The following TIAM2 variants were observed in gnomAD, a reference collection of about 807,000 sequenced individuals.
The protein encoded by TIAM2 is rho guanine nucleotide exchange factor TIAM2.
A neutral mutation model predicts 152.9 loss-of-function variants in TIAM2; 80 were observed. The observed-to-expected ratio is 0.52, with a 90% confidence interval of 0.44 to 0.63. The LOEUF is 0.63. Ranked by LOEUF, TIAM2 falls within the 30% of genes least tolerant of loss-of-function variation. TIAM2 has a pLI of 0.00. For missense variants in TIAM2, 1,965 were observed against 2,120.1 expected (o/e 0.93, Z 1.44); for synonymous variants, 804 against 838.0 (o/e 0.96, Z 0.70).
intron 1 of TIAM2, among the ~76,000 whole-genome samples, chr6:155,029,044 CTA>C (rs1252608140): frequency 8.4e-6 from 1 of 119,202 alleles, no homozygotes; most frequent in Non-Finnish European, 1.6e-5. Flanking sequence ...ACTATATATA[CTA>C]TGTTATATAT....
intron 14 of TIAM2, among the ~76,000 whole-genome samples, chr6:155,207,518 G>A (rs532306940): frequency 3.7e-4 from 56 of 152,208 alleles, no homozygotes; most frequent in Admixed American, 1.3e-4. Flanking sequence ...GAGATTTCCT[G>A]TCTTGGCGGA....
At chr6:155,139,165 C>T (rs1045076281) in intron 5 of TIAM2, among the ~76,000 whole-genome samples, 3 of 152,196 alleles carry the variant, frequency 2.0e-5, no homozygotes, top group Admixed American at 6.5e-5. Flanking sequence ...GTGCAATGTC[C>T]AGTGCCCTCT....
chr6:155,145,562 G>C (rs896536806), intron 6 of TIAM2, among the ~76,000 whole-genome samples: 3 of 152,180 alleles, frequency 2.0e-5, no homozygotes, highest in Non-Finnish European at 4.4e-5. Flanking sequence ...TTCAGAACAG[G>C]TGAGAGTGAG....
intron 14 of TIAM2, among the ~76,000 whole-genome samples, chr6:155,188,723 TC>T (rs763026198): frequency 6.6e-6 from 1 of 152,212 alleles, no homozygotes; most frequent in Non-Finnish European, 1.5e-5. Context: ...TTTGAAACAT[TC>T]CAGCAGCTTT....
chr6:155,221,946 A>C (rs1360239406), intron 15 of TIAM2, among the ~76,000 whole-genome samples: 4 of 123,438 alleles, frequency 3.2e-5, no homozygotes, highest in Non-Finnish European at 5.3e-5. Context: ...TCTTCTTCTT[A>C]TTTATTTATT....
At chr6:155,083,354 A>G (rs1778111206) in intron 1 of TIAM2, among the ~76,000 whole-genome samples, 1 of 149,816 alleles carries the variant, frequency 6.7e-6, no homozygotes, top group African/African-American at 2.4e-5. Context: ...ATCTCAAAAA[A>G]AAAAAAAAAA....
chr6:155,095,393 C>T (rs548775049), intron 2 of TIAM2, among the ~76,000 whole-genome samples: 1 of 152,180 alleles, frequency 6.6e-6, no homozygotes, highest in South Asian at 2.1e-4. Context: ...AGGGAAGATC[C>T]GTGGTAATTA....
At position 155,104,049 on chromosome 6, in the gene TIAM2, C is replaced by CA. The variant is rs1562316930; in HGVS notation, c.-118+13670_-118+13671insA. On this transcript the variant is annotated intron_variant, in intron 2 of 26. Transcript: ENST00000682666. ...TACCTCACACACACACACCCCCCCC[C>CA]CCACACCCCCACACACCCCCACACA... Among the ~76,000 whole-genome samples the CA allele has an allele frequency of 8.1e-4, 77 of 94,730 alleles. 9 individuals carry two copies. Among genetic ancestry groups the CA allele is most frequent in the African/African-American group, 3.4e-3 (77 of 22,678 alleles). 62.1% of individuals were successfully genotyped at this position (94,730 alleles called of 152,430 possible).
intron 16 of TIAM2, 79 bp downstream of exon 16, chr6:155,240,788 A>T: frequency 1.4e-6 from 2 of 1,436,242 alleles, no homozygotes; most frequent in South Asian, 1.4e-5. Flanking sequence ...TCCCCAGATC[A>T]CCTCTGCCCA....
At chr6:155,079,165 G>A (rs1778012655) in intron 1 of TIAM2, among the ~76,000 whole-genome samples, 2 of 151,938 alleles carry the variant, frequency 1.3e-5, no homozygotes, top group African/African-American at 4.8e-5. Flanking sequence ...GGGTTCAAGC[G>A]ATTCTCCCAC....
At chr6:155,004,202 T>C (rs1001702586) in intron 1 of TIAM2, among the ~76,000 whole-genome samples, 8 of 152,204 alleles carry the variant, frequency 5.3e-5, no homozygotes, top group African/African-American at 1.4e-4. Flanking sequence ...GCACCAGTCC[T>C]GCTGTAGGCT....
At chr6:155,021,763 G>T (rs966025174) in intron 1 of TIAM2, among the ~76,000 whole-genome samples, 2 of 152,142 alleles carry the variant, frequency 1.3e-5, no homozygotes, top group African/African-American at 2.4e-5. Flanking sequence ...TGACTTGACG[G>T]CCTAGCTTGT....
intron 1 of TIAM2, among the ~76,000 whole-genome samples, chr6:155,011,823 A>T (rs1778493964): frequency 6.6e-6 from 1 of 152,222 alleles, no homozygotes; most frequent in Non-Finnish European, 1.5e-5. Flanking sequence ...TTCAGGAATT[A>T]TTCTTGTAAA....
chr6:155,001,618 T>G (rs902192966), intron 1 of TIAM2, among the ~76,000 whole-genome samples: 1 of 152,242 alleles, frequency 6.6e-6, no homozygotes, highest in African/African-American at 2.4e-5. Context: ...CTCCAGGCAT[T>G]CCATCGAGCT....
intron 14 of TIAM2, among the ~76,000 whole-genome samples, chr6:155,210,354 T>C (rs1005506747): frequency 2.6e-5 from 4 of 152,008 alleles, no homozygotes; most frequent in Admixed American, 1.3e-4. Flanking sequence ...GGTCTCATTC[T>C]GTCATCCAGG....
At chr6:155,042,211 C>G (rs538088547) in intron 1 of TIAM2, among the ~76,000 whole-genome samples, 1 of 152,012 alleles carries the variant, frequency 6.6e-6, no homozygotes, top group African/African-American at 2.4e-5. Flanking sequence ...CCCGCCCCCG[C>G]CCCCAGGAAC....
chr6:155,182,122 C>T, intron 12 of TIAM2, 104 bp from the exon 13 acceptor site: 2 of 909,160 alleles, frequency 2.2e-6, no homozygotes, highest in Admixed American at 4.0e-5. Flanking sequence ...TCTCAACATA[C>T]TGTACTTATG....
At position 155,144,672 on chromosome 6, in the gene TIAM2, G is replaced by A; in HGVS notation, c.1697G>A (p.Cys566Tyr). Reference protein sequence around the residue: ...NSMDQSSAPRCALFAEDSIVQ... With the variant: ...NSMDQSSAPRYALFAEDSIVQ... ...ATGGATCAGAGCAGTGCCCCTCGGT[G>A]TGCTCTGTTTGCAGAAGACAGCATA... The change falls in exon 6 of 27, where the codon TGT becomes TAT. Residue 566 changes from cysteine (C) to tyrosine (Y), a missense_variant. By Grantham distance (194) the Cys-to-Tyr change is radical. This residue lies in a region of TIAM2 where 1,025 missense variants were observed against 1,119.4 expected (regional missense o/e 0.92). Transcript: ENST00000682666. 1 of 1,608,656 alleles carries A rather than the reference G, an allele frequency of 6.2e-7. No homozygotes were observed. Among genetic ancestry groups the A allele is most frequent in the Non-Finnish European group, 8.5e-7 (1 of 1,178,180 alleles).
chr6:155,100,231 G>T (rs1266693869), intron 2 of TIAM2, among the ~76,000 whole-genome samples: 2 of 152,246 alleles, frequency 1.3e-5, no homozygotes, highest in Non-Finnish European at 1.5e-5. Context: ...TTGACTCACA[G>T]TAGCAGGTGC....
Sources: gnomAD v4.1 joint callset for allele counts (sites outside exome capture counted in the v4.1 genomes callset) on GRCh38, gnomAD v4.1.1 for gene constraint, gnomAD v4.1.1 regional missense constraint, MANE v1.5 for transcripts, NCBI Gene and HGNC (gene_info 2026-07-23, HGNC 2026-07-21) for gene names.